ARPP21: variants seen among roughly 807,000 people sequenced by gnomAD.
ARPP21 encodes the protein cAMP-regulated phosphoprotein 21.
In ARPP21, 69 loss-of-function variants were observed where a neutral mutation model predicts 113.2. The observed-to-expected ratio is 0.61, with a 90% confidence interval of 0.50 to 0.74. ARPP21 has a LOEUF of 0.74. ARPP21 is among the 30% of genes least tolerant of loss of function. ARPP21 has a pLI of 0.00. For synonymous variants in ARPP21, 368 were observed against 375.5 expected (o/e 0.98, Z 0.23); for missense variants, 1,070 against 1,037.4 (o/e 1.03, Z -0.43).
chr3:35,780,850 C>G (rs2096508726), intron 19 of ARPP21, among the ~76,000 whole-genome samples: 1 of 152,006 alleles, frequency 6.6e-6, no homozygotes, highest in African/African-American at 2.4e-5. Flanking sequence ...GACCCAGGAA[C>G]AACGTATTTC....
chr3:35,667,945 AGAAAAG>A (rs2075021441), intron 1 of ARPP21, among the ~76,000 whole-genome samples: 1 of 132,486 alleles, frequency 7.5e-6, no homozygotes, highest in African/African-American at 2.9e-5. Context: ...AAGGAGAAGA[AGAAAAG>A]AAGAAGAAGA....
chr3:35,738,267 T>A lies in ARPP21; in HGVS notation c.1698T>A (p.Ser566=). The A allele has an allele frequency of 6.5e-7, 1 of 1,535,914 alleles. No individual in the cohort carries two copies. The highest frequency in any genetic ancestry group is 8.7e-7 in the Non-Finnish European group (1 of 1,146,512). ...AGTCAGTGCAATATCCAGCAGTCTC[T>A]TTTCCTCCCCAGCACCTCCTACCTG... ...SSQSVQYPAV[S]FPPQHLLPVS... The change falls in exon 17 of 21, where the codon TCT becomes TCA. Residue 566 remains serine, a synonymous_variant. Transcript: ENST00000684406.
chr3:35,707,586 G>A, intron 10 of ARPP21: 1 of 455,268 alleles, frequency 2.2e-6, no homozygotes, highest in South Asian at 1.5e-5. Context: ...TAAGTCTTCA[G>A]AGAAAAGAAT....
intron 1 of ARPP21, among the ~76,000 whole-genome samples, chr3:35,660,510 G>T (rs1024849988): frequency 8.5e-5 from 13 of 152,114 alleles, no homozygotes; most frequent in African/African-American, 3.1e-4. Context: ...TATAGTCTTT[G>T]CCCTCGAAAT....
In ARPP21 at chr3:35,704,791, G is replaced by A. The variant is rs1162424184; in HGVS notation, c.687-2183G>A. 2.6e-5 allele frequency among the ~76,000 whole-genome samples: 4 copies of A among 152,066 alleles called. No homozygotes were observed. In the South Asian group the frequency reaches 6.2e-4, roughly 24 times the overall value. Reference sequence around the variant, plus strand: ...GGTTAATTTATTTATTCAGCCAAATGCCTCTCAGGTACCAGGCATGGTTCT... The same window carrying A: ...GGTTAATTTATTTATTCAGCCAAATACCTCTCAGGTACCAGGCATGGTTCT... On this transcript the variant is annotated intron_variant, in intron 9 of 20. Coordinates refer to ENST00000684406, the MANE Select transcript of ARPP21 (RefSeq NM_001385562.1).
chr3:35,698,057 CT>C (rs1198325677), intron 9 of ARPP21, among the ~76,000 whole-genome samples: 1 of 151,566 alleles, frequency 6.6e-6, no homozygotes, highest in Non-Finnish European at 1.5e-5. Flanking sequence ...TGAAAATCAT[CT>C]GACTAGTTGC....
chr3:35,687,811 G>A lies in ARPP21; in HGVS notation c.334G>A (p.Glu112Lys), dbSNP rs1434492358. The A allele has an allele frequency of 6.2e-7, 1 of 1,604,558 alleles. No homozygotes were observed. Among genetic ancestry groups the A allele is most frequent in the East Asian group, 2.2e-5 (1 of 44,604 alleles). Residue 112 changes from glutamate (E) to lysine (K), a missense_variant, in exon 6 of 21, where the codon GAA (glutamate) becomes AAA (lysine). Transcript: ENST00000684406. ...GGATAAATCTAGGAAAGATGACTCT[G>A]AAAGAGAAAAAGAAAAGGATAAAAA... ...EEDKSRKDDS[E>K]REKEKDKNKD...
intron 19 of ARPP21, among the ~76,000 whole-genome samples, chr3:35,787,485 T>A (rs1023549942): frequency 2.0e-5 from 3 of 152,126 alleles, no homozygotes; most frequent in Non-Finnish European, 4.4e-5. Context: ...ATGAAGTAAA[T>A]GAAGGGACAA....
At chr3:35,766,471 A>C (rs2095982299) in intron 19 of ARPP21, among the ~76,000 whole-genome samples, 1 of 152,184 alleles carries the variant, frequency 6.6e-6, no homozygotes, top group Non-Finnish European at 1.5e-5. Flanking sequence ...CCTGCCCTAG[A>C]TGCCACTGTA....
At chr3:35,746,204 A>G (rs759863158) in intron 19 of ARPP21, among the ~76,000 whole-genome samples, 1 of 152,232 alleles carries the variant, frequency 6.6e-6, no homozygotes, top group African/African-American at 2.4e-5. Context: ...TGATGAATGT[A>G]CCTAGTATTT....
intron 14 of ARPP21, among the ~76,000 whole-genome samples, chr3:35,725,736 C>G (rs1256043731): frequency 6.6e-6 from 1 of 152,076 alleles, no homozygotes; most frequent in Admixed American, 6.5e-5. Flanking sequence ...TTCTGCTTTT[C>G]TCTTGAGGGT....
At chr3:35,640,420 C>T (rs1022396917) in intron 1 of ARPP21, 22 bp downstream of exon 1, 2 of 152,200 alleles carry the variant, frequency 1.3e-5, no homozygotes, top group African/African-American at 4.8e-5. Context: ...GGTCTTCCGA[C>T]GTGAACATTG....
intron 14 of ARPP21, among the ~76,000 whole-genome samples, chr3:35,726,484 C>A (rs1356198340): frequency 6.6e-6 from 1 of 152,238 alleles, no homozygotes; most frequent in Non-Finnish European, 1.5e-5. Context: ...TTCATCTTTG[C>A]ATGTGCAGAG....
At chr3:35,648,997 C>T (rs1323193186) in intron 1 of ARPP21, among the ~76,000 whole-genome samples, 2 of 152,144 alleles carry the variant, frequency 1.3e-5, no homozygotes, top group African/African-American at 2.4e-5. Context: ...AGTCGACATG[C>T]TTACGCACAA....
chr3:35,718,909 C>CA (rs35647414), intron 13 of ARPP21, among the ~76,000 whole-genome samples: 1,708 of 71,836 alleles, frequency 0.024, 25 homozygotes, highest in Middle Eastern at 0.049. Context: ...GTAACCTGTG[C>CA]AAAAAAAAAA....
intron 1 of ARPP21, among the ~76,000 whole-genome samples, chr3:35,644,198 G>T (rs1446113807): frequency 1.3e-5 from 2 of 151,826 alleles, no homozygotes; most frequent in Non-Finnish European, 3.0e-5. Context: ...GGGTGTCTTT[G>T]CTTCTGAGTG....
At chr3:35,739,613 G>C (rs2094539742) in intron 18 of ARPP21, 36 bp downstream of exon 18, 1 of 1,566,604 alleles carries the variant, frequency 6.4e-7, no homozygotes, top group Non-Finnish European at 8.6e-7. Context: ...ACCTACAGCT[G>C]ATTTCTGATG....
intron 19 of ARPP21, among the ~76,000 whole-genome samples, chr3:35,763,881 A>G (rs1949224): frequency 0.12 from 18,451 of 152,150 alleles, 1,249 homozygotes; most frequent in Non-Finnish European, 0.15. Flanking sequence ...TATTATTTTC[A>G]GGCCGGGCAT....
At chr3:35,673,029 A>T (rs1163920044) in intron 1 of ARPP21, among the ~76,000 whole-genome samples, 1 of 152,088 alleles carries the variant, frequency 6.6e-6, no homozygotes, top group Non-Finnish European at 1.5e-5. Flanking sequence ...CTCAGTCAAA[A>T]AATACCACTG....
Sources: gnomAD v4.1 joint callset for allele counts (sites outside exome capture counted in the v4.1 genomes callset) on GRCh38, gnomAD v4.1.1 for gene constraint, MANE v1.5 for transcripts, NCBI Gene and HGNC (gene_info 2026-07-23, HGNC 2026-07-21) for gene names.